The following SGMS1 variants were observed in gnomAD, a reference collection of about 807,000 sequenced individuals.
The protein encoded by SGMS1 is sphingomyelin synthase 1, also known as phosphatidylcholine:ceramide cholinephosphotransferase 1.
SGMS1 carries 13 observed loss-of-function variants against 46.2 expected under a neutral mutation model. The observed-to-expected ratio is 0.28, with a 90% CI of 0.18 to 0.45. The LOEUF (loss-of-function observed/expected upper bound fraction) is 0.45. Ranked by LOEUF, SGMS1 falls within the 20% of genes least tolerant of loss-of-function variation. SGMS1 has a pLI of 1.00. For synonymous variants in SGMS1, 203 were observed against 187.8 expected, an observed-to-expected ratio of 1.08 and a Z score of -0.66; for missense variants, 324 against 519.9, an observed-to-expected ratio of 0.62 and a Z score of 3.66.
At chr10:50,492,070 A>G (rs1588852049) in intron 3 of SGMS1, among the ~76,000 whole-genome samples, 1 of 152,270 alleles carries the variant, frequency 6.6e-6, no homozygotes, top group African/African-American at 2.4e-5. Flanking sequence ...CAAAACCAAC[A>G]TGATTATCTC....
chr10:50,533,897 A>G (rs1368547431), intron 2 of SGMS1, among the ~76,000 whole-genome samples: 3 of 152,174 alleles, frequency 2.0e-5, no homozygotes, highest in Admixed American at 2.0e-4. Flanking sequence ...TAAAACCAAA[A>G]AAGGAAGTTG....
intron 6 of SGMS1, among the ~76,000 whole-genome samples, chr10:50,404,314 T>C (rs1177096703): frequency 1.3e-5 from 2 of 151,496 alleles, no homozygotes; most frequent in African/African-American, 4.8e-5. Context: ...TGTTTTGATT[T>C]TTTTTTTTTT....
intron 6 of SGMS1, among the ~76,000 whole-genome samples, chr10:50,380,734 T>C (rs1009328207): frequency 6.6e-6 from 1 of 152,136 alleles, no homozygotes; most frequent in African/African-American, 2.4e-5. Context: ...CCACCTATAA[T>C]ATTATTTACT....
intron 8 of SGMS1, among the ~76,000 whole-genome samples, chr10:50,321,150 A>G (rs1847435295): frequency 6.6e-6 from 1 of 152,256 alleles, no homozygotes; most frequent in African/African-American, 2.4e-5. Context: ...TTAGTAAGAA[A>G]GCCTTTAGAA....
intron 6 of SGMS1, among the ~76,000 whole-genome samples, chr10:50,390,859 C>T (rs61856761): frequency 0.19 from 28,666 of 152,112 alleles, 2,938 homozygotes; most frequent in Admixed American, 0.23. Context: ...AAATTCCACT[C>T]TGTCACAAAA....
intron 2 of SGMS1, among the ~76,000 whole-genome samples, chr10:50,532,225 CTG>C (rs71029313): frequency 0.16 from 20,941 of 130,124 alleles, 1,764 homozygotes; most frequent in East Asian, 0.32. Context: ...CTGAATGAGA[CTG>C]TGTGTGTGTG....
At chr10:50,400,099 C>T (rs1848911118) in intron 6 of SGMS1, among the ~76,000 whole-genome samples, 2 of 151,298 alleles carry the variant, frequency 1.3e-5, no homozygotes, top group Admixed American at 1.3e-4. Flanking sequence ...ATGGTTTTCA[C>T]TGGTTAGATG....
At chr10:50,446,742 G>GA in intron 5 of SGMS1, among the ~76,000 whole-genome samples, 1 of 152,338 alleles carries the variant, frequency 6.6e-6, no homozygotes, top group East Asian at 1.9e-4. Flanking sequence ...TTGCCTCTGG[G>GA]ATGGCACACC....
chr10:50,379,936 T>C (rs761819768), intron 6 of SGMS1, among the ~76,000 whole-genome samples: 29 of 152,086 alleles, frequency 1.9e-4, no homozygotes, highest in Non-Finnish European at 4.1e-4. Flanking sequence ...GGCCTGAAGC[T>C]TGAGTAAGTG....
chr10:50,506,851 T>C (rs942142829), intron 3 of SGMS1, among the ~76,000 whole-genome samples: 1 of 152,216 alleles, frequency 6.6e-6, no homozygotes, highest in Non-Finnish European at 1.5e-5. Flanking sequence ...TTCACGCACA[T>C]GACCTCACTT....
chr10:50,393,678 A>T lies in SGMS1; in HGVS notation c.-232+39798T>A, dbSNP rs10825861. 1.9e-3 allele frequency among the ~76,000 whole-genome samples: 293 copies of T among 152,220 alleles called. 1 individual carries two copies. The highest frequency in any genetic ancestry group is 2.9e-3 in the Non-Finnish European group (198 of 68,012). The stretch of plus-strand genomic sequence containing the variant: ...GGCTGATTAAAGGCAATGAGTTCTG[A>T]GACCAATTACTAGAGGTATCTACAG... On this transcript the variant is annotated intron_variant, in intron 6 of 10. Transcript: ENST00000361781.
At chr10:50,532,337 T>G (rs748700200) in intron 2 of SGMS1, among the ~76,000 whole-genome samples, 2 of 151,592 alleles carry the variant, frequency 1.3e-5, no homozygotes, top group Non-Finnish European at 2.9e-5. Context: ...GATGCTAGGA[T>G]AAGCTCTCTC....
intron 2 of SGMS1, among the ~76,000 whole-genome samples, chr10:50,541,656 A>G (rs943342724): frequency 3.9e-5 from 6 of 152,120 alleles, no homozygotes; most frequent in African/African-American, 1.4e-4. Flanking sequence ...TGGGGCCAAG[A>G]TCCTCGAAAA....
intron 2 of SGMS1, among the ~76,000 whole-genome samples, chr10:50,521,464 T>C (rs1046672281): frequency 6.6e-6 from 1 of 152,200 alleles, no homozygotes; most frequent in African/African-American, 2.4e-5. Flanking sequence ...AAAAGTTATA[T>C]AATAGTTTAA....
intron 6 of SGMS1, among the ~76,000 whole-genome samples, chr10:50,372,932 G>C (rs1029461858): frequency 7.7e-6 from 1 of 129,602 alleles, no homozygotes; most frequent in African/African-American, 2.8e-5. Flanking sequence ...TAAATCCAAA[G>C]TCAATGCTAT....
chr10:50,471,518 T>C (rs577337162), intron 3 of SGMS1, among the ~76,000 whole-genome samples: 2 of 152,344 alleles, frequency 1.3e-5, no homozygotes, highest in South Asian at 2.1e-4. Flanking sequence ...AACAAGTCTA[T>C]GAGACGCAAA....
At chr10:50,494,831 T>C (rs941603038) in intron 3 of SGMS1, among the ~76,000 whole-genome samples, 6 of 151,652 alleles carry the variant, frequency 4.0e-5, no homozygotes, top group Admixed American at 6.6e-5. Flanking sequence ...GGTCGGGAGA[T>C]CGAGACCATC....
chr10:50,321,520 G>A (rs151082222), intron 8 of SGMS1, among the ~76,000 whole-genome samples: 11 of 152,256 alleles, frequency 7.2e-5, no homozygotes, highest in Admixed American at 6.5e-4. Flanking sequence ...GATGGGAAAC[G>A]TTACTGGAAA....
intron 1 of SGMS1, among the ~76,000 whole-genome samples, chr10:50,622,092 T>C (rs1044880984): frequency 6.6e-6 from 1 of 152,166 alleles, no homozygotes; most frequent in African/African-American, 2.4e-5. Flanking sequence ...AGGCTGCTGC[T>C]TGCTTGCTTG....
Sources: allele counts gnomAD v4.1 joint callset (sites outside exome capture counted in the v4.1 genomes callset), GRCh38; gene constraint gnomAD v4.1.1; transcripts MANE v1.5; gene names NCBI Gene and HGNC (gene_info 2026-07-23, HGNC 2026-07-21).